PWWP2B: variants seen among roughly 807,000 people sequenced by gnomAD.
PWWP2B encodes the protein PWWP domain-containing protein 2B.
PWWP2B carries 9 observed loss-of-function variants against 15.5 expected under a neutral mutation model. The observed-to-expected ratio is 0.58, with a 90% confidence interval of 0.35 to 1.02. The LOEUF is 1.02. PWWP2B is among the 50% of genes least tolerant of loss of function. The pLI is 0.02. For synonymous variants in PWWP2B, 474 were observed against 403.6 expected (o/e 1.17, Z -2.09); for missense variants, 864 against 865.3 (o/e 1.00, Z 0.02).
Position 132,405,644 on chromosome 10 carries a change from T to C in PWWP2B, c.1144T>C (p.Ser382Pro). 6.2e-7 allele frequency: 1 copy of C among 1,612,434 alleles called. No homozygotes were observed. The highest frequency in any genetic ancestry group is 8.5e-7 in the Non-Finnish European group (1 of 1,179,870). Residue 382 changes from serine to proline, a missense_variant, in exon 2 of 3, where the codon TCT becomes CCT. By Grantham distance (74) the Ser-to-Pro change is moderately conservative. This residue lies in a region of PWWP2B where 736 missense variants were observed against 687.7 expected (regional missense o/e 1.07). Transcript: ENST00000305233. ...GPAGGLADLS[S>P]GSSGEDDDFK... ...TGCCGGTGGGCTGGCGGACTTGTCT[T>C]CTGGAAGTTCGGGTGAGGACGATGA...
rs1201658664 is a variant in PWWP2B, at chr10:132,397,363, C to T, written c.125+12C>T. 3 of 1,311,254 alleles carry T rather than the reference C, an allele frequency of 2.3e-6. No individual in the cohort carries two copies. The highest frequency in any genetic ancestry group is 3.1e-5 in the East Asian group (1 of 32,730). 81.2% of individuals were successfully genotyped at this position (1,311,254 alleles called of 1,614,324 possible). ...GACTGCACGAAAAAGTGAGCGGGGG[C>T]GCGGGCCGGGACACCCCCGGGGTCC... On this transcript the variant is annotated intron_variant, in intron 1 of 2. Transcript: ENST00000305233.
chr10:132,410,314 G>A (rs1009817008), intron 2 of PWWP2B, among the ~76,000 whole-genome samples: 1 of 143,064 alleles, frequency 7.0e-6, no homozygotes, highest in Non-Finnish European at 1.5e-5. Flanking sequence ...AGAGGGCTGG[G>A]GGCAAGGATC....
In PWWP2B at chr10:132,417,651, C is replaced by T. The variant is rs1226122956; in HGVS notation, c.*607C>T. 3.2e-5 allele frequency: 5 copies of T among 154,240 alleles called. No homozygotes were observed. Among genetic ancestry groups the T allele is most frequent in the Admixed American group, 6.5e-5 (1 of 15,422 alleles). The allele number at this position is 154,240 out of a possible 1,614,324, so 9.6% of individuals were successfully genotyped here. ...CTCCCACTCCAAGTTCATCCCAGAG[C>T]GTGGGGCCCGCTGGGCACCTGGCAC... On this transcript the variant is annotated 3_prime_UTR_variant, in exon 3 of 3. Transcript: ENST00000305233.
At chr10:132,408,704 G>A (rs1341838019) in intron 2 of PWWP2B, among the ~76,000 whole-genome samples, 4 of 152,264 alleles carry the variant, frequency 2.6e-5, no homozygotes, top group Admixed American at 2.6e-4. Context: ...ACTTGTCAAG[G>A]AGCAGTCACC....
chr10:132,406,348 A>G, intron 2 of PWWP2B, 59 bp downstream of exon 2: 1 of 1,392,380 alleles, frequency 7.2e-7, no homozygotes, highest in Non-Finnish European at 9.7e-7. Context: ...ACCTGTGTCC[A>G]GGCCATGCCT....
chr10:132,405,483 T>C lies in PWWP2B; in HGVS notation c.983T>C (p.Leu328Pro), dbSNP rs2069682738. The change falls in exon 2 of 3, where the codon CTG becomes CCG. Residue 328 changes from leucine to proline, a missense_variant. By Grantham distance (98) the Leu-to-Pro change is moderately conservative. Coordinates refer to ENST00000305233, the MANE Select transcript of PWWP2B (RefSeq NM_138499.4). ...CGGCCTGTGCCGGCCGGCGCGGACC[T>C]GCCGCCCCCTAAGATCCGCCTGAAG... Reference protein sequence around the residue: ...LTRPVPAGADLPPPKIRLKPH... With the variant: ...LTRPVPAGADPPPPKIRLKPH... 1 of 1,604,424 alleles carries C rather than the reference T, an allele frequency of 6.2e-7. No individual in the cohort carries two copies. The highest frequency in any genetic ancestry group is 8.5e-7 in the Non-Finnish European group (1 of 1,179,352).
intron 2 of PWWP2B, among the ~76,000 whole-genome samples, chr10:132,408,056 G>A (rs1314933621): frequency 4.6e-5 from 7 of 152,228 alleles, no homozygotes; most frequent in African/African-American, 7.2e-5. Flanking sequence ...GTGTTTATCC[G>A]GAAGTGGAGG....
At position 132,417,273 on chromosome 10, in the gene PWWP2B, C is replaced by CGCATGGCTGCCCTG. The variant is rs1310500318; in HGVS notation, c.*232_*245dup. Reference sequence around the variant, plus strand: ...GAGTGTATTTCTTCCCACCACTCAGCGCATGGCTGCCCTGGCTCACGAGGC... The same window carrying CGCATGGCTGCCCTG: ...GAGTGTATTTCTTCCCACCACTCAGCGCATGGCTGCCCTGGCATGGCTGCCCTGGCTCACGAGGC... On this transcript the variant is annotated 3_prime_UTR_variant, in exon 3 of 3. Transcript: ENST00000305233. 3.9e-5 allele frequency: 24 copies of CGCATGGCTGCCCTG among 622,658 alleles called. No individual in the cohort carries two copies. Among genetic ancestry groups the CGCATGGCTGCCCTG allele is most frequent in the Non-Finnish European group, 6.8e-5 (24 of 350,740 alleles). 38.6% of individuals were successfully genotyped at this position (622,658 alleles called of 1,614,324 possible). A position where few individuals can be genotyped will look rare whatever the true frequency, so the allele number is the denominator to read the frequency against.
At position 132,405,075 on chromosome 10, in the gene PWWP2B, C is replaced by G. The variant is rs1420387881; in HGVS notation, c.575C>G (p.Pro192Arg). ...KSTLSPPEAS[P>R]GPPAAPRARR... ...ACGCTGAGCCCCCCGGAGGCCAGCCCCGGACCCCCAGCCGCGCCCAGGGCC... is the reference window on the plus strand; with the variant it reads ...ACGCTGAGCCCCCCGGAGGCCAGCCGCGGACCCCCAGCCGCGCCCAGGGCC... The change falls in exon 2 of 3, where the codon CCC (proline) becomes CGC (arginine). Residue 192 changes from proline to arginine, a missense_variant. Pro to Arg is a moderately radical substitution (Grantham distance 103, BLOSUM62 -2). Coordinates refer to ENST00000305233, the MANE Select transcript of PWWP2B (RefSeq NM_138499.4). 6.5e-7 allele frequency: 1 copy of G among 1,527,264 alleles called. No homozygotes were observed. The highest frequency in any genetic ancestry group is 8.8e-7 in the Non-Finnish European group (1 of 1,139,202). 94.6% of individuals were successfully genotyped at this position (1,527,264 alleles called of 1,614,324 possible). A position where few individuals can be genotyped will look rare whatever the true frequency, so the allele number is the denominator to read the frequency against.
Position 132,404,750 on chromosome 10 carries a change from T to G in PWWP2B, c.250T>G (p.Ser84Ala). 6.3e-7 allele frequency: 1 copy of G among 1,592,256 alleles called. No homozygotes were observed. The highest frequency in any genetic ancestry group is 8.5e-7 in the Non-Finnish European group (1 of 1,169,638). ...DAEVMQLGSS[S>A]PPPARGVQPP... ...AGAGGTGATGCAGCTGGGGTCCAGC[T>G]CCCCCCCTCCTGCCCGCGGGGTTCA... Residue 84 changes from serine to alanine, a missense_variant, in exon 2 of 3, where the codon TCC becomes GCC. Around this residue, in one of 2 missense-constraint regions of PWWP2B, gnomAD observed 736 missense variants for 687.7 expected, o/e 1.07. Coordinates refer to ENST00000305233, the MANE Select transcript of PWWP2B (RefSeq NM_138499.4).
intron 1 of PWWP2B, among the ~76,000 whole-genome samples, chr10:132,402,717 G>A (rs1047565537): frequency 2.0e-5 from 3 of 152,236 alleles, no homozygotes; most frequent in East Asian, 1.9e-4. Context: ...AACCCTGGGC[G>A]GGGGTGGGGG....
intron 1 of PWWP2B, among the ~76,000 whole-genome samples, chr10:132,403,563 C>T (rs959252997): frequency 2.0e-5 from 3 of 152,182 alleles, no homozygotes; most frequent in South Asian, 2.1e-4. Context: ...ACTTGGGCCT[C>T]GAGAATGATG....
rs544573452 is a variant in PWWP2B at position 132,417,112 on chromosome 10, C to T, written c.*68C>T. On this transcript the variant is annotated 3_prime_UTR_variant, in exon 3 of 3. Coordinates refer to ENST00000305233, the MANE Select transcript of PWWP2B (RefSeq NM_138499.4). ...TGTCCTGGAGCTTCCGATCTCTGTT[C>T]GGGGACCCTGTGAGCCTTCTGGCCG... The T allele has an allele frequency of 9.9e-6, 16 of 1,613,284 alleles. No individual in the cohort carries two copies. Among genetic ancestry groups the T allele is most frequent in the East Asian group, 2.2e-5 (1 of 44,868 alleles).
rs2069847395 is a variant in PWWP2B, at chr10:132,415,920, G to A, written c.*17-1141G>A. On this transcript the variant is annotated intron_variant, in intron 2 of 2. Coordinates refer to ENST00000305233, the MANE Select transcript of PWWP2B (RefSeq NM_138499.4). ...GTCACTCAGGAATGCCCAGCGTGAG[G>A]AGAAAGAATCCCCTCTTACATTCAT... Among the ~76,000 whole-genome samples, 6 of 151,818 alleles carry A rather than the reference G, an allele frequency of 4.0e-5. 1 individual carries two copies. The highest frequency in any genetic ancestry group is 3.9e-4 in the Admixed American group (6 of 15,250).
chr10:132,402,665 G>A (rs1211404771), intron 1 of PWWP2B, among the ~76,000 whole-genome samples: 1 of 152,234 alleles, frequency 6.6e-6, no homozygotes, highest in Non-Finnish European at 1.5e-5. Flanking sequence ...ACGGAGGCCA[G>A]TTCTGGCTAT....
chr10:132,401,346 G>C (rs183614365), intron 1 of PWWP2B, among the ~76,000 whole-genome samples: 1 of 152,026 alleles, frequency 6.6e-6, no homozygotes, highest in Non-Finnish European at 1.5e-5. Context: ...CAAGGATGTC[G>C]CGTGAGGCTT....
intron 1 of PWWP2B, among the ~76,000 whole-genome samples, chr10:132,402,570 C>T (rs1014781617): frequency 5.3e-5 from 8 of 152,232 alleles, no homozygotes; most frequent in Middle Eastern, 3.2e-3. Context: ...TGTGAGCACA[C>T]GAAGTTGGTT....
chr10:132,406,385 G>T, intron 2 of PWWP2B, 96 bp downstream of exon 2: 2 of 1,092,350 alleles, frequency 1.8e-6, no homozygotes, highest in Non-Finnish European at 2.6e-6. Context: ...GGCCCAGGGA[G>T]CCGCCGCCTG....
At chr10:132,410,755 C>T (rs535565645) in intron 2 of PWWP2B, among the ~76,000 whole-genome samples, 178 of 152,292 alleles carry the variant, frequency 1.2e-3, no homozygotes, top group Non-Finnish European at 1.7e-3. Context: ...CAGGGCAGGC[C>T]GTGCTCCACC....
Sources: gnomAD v4.1 joint callset for allele counts (sites outside exome capture counted in the v4.1 genomes callset) on GRCh38, gnomAD v4.1.1 for gene constraint, gnomAD v4.1.1 regional missense constraint, MANE v1.5 for transcripts, NCBI Gene and HGNC (gene_info 2026-07-23, HGNC 2026-07-21) for gene names.